Variants in LITAF observed in about 807,000 individuals in gnomAD.
LITAF encodes lipopolysaccharide-induced tumor necrosis factor-alpha factor.
Under a neutral mutation model 14.5 loss-of-function variants are expected in LITAF, and 9 were observed. That is an observed-to-expected ratio of 0.62 (90% CI 0.37 to 1.08). LITAF has a LOEUF of 1.08. Ranked by LOEUF, LITAF falls within the 50% of genes least tolerant of loss-of-function variation. The pLI, the probability that LITAF is intolerant of heterozygous loss-of-function variation, is 0.01. For missense variants in LITAF, 206 were observed against 213.4 expected (o/e 0.97, Z 0.22); for synonymous variants, 98 against 88.2 (o/e 1.11, Z -0.62).
intron 1 of LITAF, among the ~76,000 whole-genome samples, chr16:11,596,304 G>C (rs1446615020): frequency 1.3e-5 from 2 of 151,800 alleles, no homozygotes; most frequent in African/African-American, 4.8e-5. Context: ...GGAAGAGCGT[G>C]TTCTCAGGAT....
upstream of LITAF, among the ~76,000 whole-genome samples, chr16:11,600,523 T>C (rs2064920395): frequency 5.9e-5 from 9 of 152,206 alleles, no homozygotes; most frequent in Admixed American, 5.9e-4. The surrounding 1 kb of genome is among the most constrained non-coding windows in gnomAD (Gnocchi z 4.1). Context: ...AGAAGTTAAA[T>C]TCTCGGACTG....
At chr16:11,551,066 A>C (rs1257481541) in intron 3 of LITAF, among the ~76,000 whole-genome samples, 1 of 152,192 alleles carries the variant, frequency 6.6e-6, no homozygotes, top group African/African-American at 2.4e-5. Context: ...TTTGGCACAC[A>C]CAGGCAGGAA....
At chr16:11,620,417 C>T (rs1430237540) in intron 3 of LITAF, among the ~76,000 whole-genome samples, 1 of 152,118 alleles carries the variant, frequency 6.6e-6, no homozygotes. Context: ...GTTCCCCCTT[C>T]GCCTTCCACC....
rs565356536 is a variant in LITAF, at chr16:11,549,452, A to T, written c.*185T>A. 3 of 656,414 alleles carry T rather than the reference A, an allele frequency of 4.6e-6. No homozygotes were observed. Among genetic ancestry groups the T allele is most frequent in the Non-Finnish European group, 8.4e-6 (3 of 355,488 alleles). 40.7% of individuals were successfully genotyped at this position (656,414 alleles called of 1,614,324 possible). ...TTTGCAAGTCCTATGCACGACTCCA[A>T]GCAGCAATTTCTGGGGTTTGGAGAT... is the stretch of plus-strand genomic sequence containing the variant. On this transcript the variant is annotated 3_prime_UTR_variant, in exon 4 of 4. Coordinates refer to ENST00000622633, the MANE Select transcript of LITAF (RefSeq NM_001136472.2). The surrounding 1 kb of genome is among the most constrained non-coding windows in gnomAD (Gnocchi z 4.6).
At chr16:11,628,321 T>C (rs530800475) in intron 3 of LITAF, among the ~76,000 whole-genome samples, 98 of 152,208 alleles carry the variant, frequency 6.4e-4, no homozygotes, top group African/African-American at 2.3e-3. Flanking sequence ...TCCTTTCTCT[T>C]CCAGCTAAGA....
chr16:11,554,520 C>T (rs1280152206), intron 2 of LITAF, among the ~76,000 whole-genome samples: 1 of 152,136 alleles, frequency 6.6e-6, no homozygotes, highest in Non-Finnish European at 1.5e-5. Flanking sequence ...CGGTGGCTCA[C>T]ACCTGTAATC....
At chr16:11,593,354 C>CA (rs57678584) in intron 1 of LITAF, among the ~76,000 whole-genome samples, 1,635 of 54,342 alleles carry the variant, frequency 0.03, 33 homozygotes, top group African/African-American at 0.054. Flanking sequence ...AACTCTGTCT[C>CA]AAAAAAAAAA....
rs891237004 is a variant in LITAF at position 11,632,007 on chromosome 16, C to A, written c.85+1526G>T. 2.0e-5 allele frequency among the ~76,000 whole-genome samples: 3 copies of A among 152,082 alleles called. No individual in the cohort carries two copies. The highest frequency in any genetic ancestry group is 2.9e-5 in the Non-Finnish European group (2 of 68,014). The stretch of plus-strand genomic sequence containing the variant: ...TCAGCCTCCTGAGTAGCTGGGATTA[C>A]AGGTGTGCGCCACCACGCCCGGCTA... On this transcript the variant is annotated intron_variant, in intron 3 of 3. Transcript: ENST00000574848. This position sits in a 1 kb window ranked among gnomAD's most constrained non-coding sequence, Gnocchi z 4.8.
chr16:11,599,692 C>T (rs2064915681), upstream of LITAF, among the ~76,000 whole-genome samples: 4 of 152,142 alleles, frequency 2.6e-5, no homozygotes, highest in South Asian at 8.3e-4. Context: ...CCTGTGTTAC[C>T]CTAAGCCTCG....
chr16:11,631,483 C>T (rs190195201), intron 3 of LITAF, among the ~76,000 whole-genome samples: 24 of 152,318 alleles, frequency 1.6e-4, no homozygotes, highest in Admixed American at 1.5e-3. Context: ...ACAGCCACAA[C>T]CTCCCGAGCT....
chr16:11,613,875 G>A lies in LITAF; in HGVS notation c.85+19658C>T, dbSNP rs79676900. On this transcript the variant is annotated intron_variant, in intron 3 of 3. Coordinates refer to the LITAF transcript ENST00000574848. ...CACATGTTGTCAGATGACCGGGCGGGCCACTTCTCTCGCTGAATGTTTATT... is the reference window on the plus strand; with the variant it reads ...CACATGTTGTCAGATGACCGGGCGGACCACTTCTCTCGCTGAATGTTTATT... 3.5e-3 allele frequency among the ~76,000 whole-genome samples: 540 copies of A among 152,358 alleles called. 2 individuals carry two copies. Among genetic ancestry groups the A allele is most frequent in the African/African-American group, 0.012 (518 of 41,582 alleles).
At chr16:11,552,517 T>G (rs1202438989) in intron 3 of LITAF, among the ~76,000 whole-genome samples, 1 of 152,192 alleles carries the variant, frequency 6.6e-6, no homozygotes, top group Non-Finnish European at 1.5e-5. Flanking sequence ...AAAACATTAT[T>G]ATTTAGGTCA....
chr16:11,548,177 T>C lies in LITAF; in HGVS notation c.*1460A>G. 2.2e-6 allele frequency: 1 copy of C among 454,078 alleles called. No individual in the cohort carries two copies. The highest frequency in any genetic ancestry group is 1.6e-5 in the South Asian group (1 of 64,482). The allele number at this position is 454,078 out of a possible 1,614,324, so 28.1% of individuals were successfully genotyped here. The stretch of plus-strand genomic sequence containing the variant: ...TACAGATGTTCGCTCAAGGTCTAGG[T>C]TTTATTTCTACATAGTAGTATTCAC... On this transcript the variant is annotated 3_prime_UTR_variant, in exon 4 of 4. Coordinates refer to ENST00000622633, the MANE Select transcript of LITAF (RefSeq NM_001136472.2).
At chr16:11,560,521 T>G (rs1368111531) in intron 1 of LITAF, among the ~76,000 whole-genome samples, 1 of 150,920 alleles carries the variant, frequency 6.6e-6, no homozygotes, top group Non-Finnish European at 1.5e-5. Context: ...AGGCAGAGGT[T>G]GCAGCGAGCT....
chr16:11,626,020 A>G (rs2065081590), intron 3 of LITAF, among the ~76,000 whole-genome samples: 1 of 152,190 alleles, frequency 6.6e-6, no homozygotes, highest in Admixed American at 6.5e-5. Flanking sequence ...CTGGGAGTCA[A>G]TTCCAGATCC....
chr16:11,593,248 C>T (rs1161889057), intron 1 of LITAF, among the ~76,000 whole-genome samples: 5 of 150,344 alleles, frequency 3.3e-5, no homozygotes, highest in Admixed American at 6.7e-5. Context: ...CCCAACTACT[C>T]GGGAGGCTGA....
intron 3 of LITAF, among the ~76,000 whole-genome samples, chr16:11,618,431 C>T (rs1365326696): frequency 6.6e-6 from 1 of 152,222 alleles, no homozygotes; most frequent in East Asian, 1.9e-4. Flanking sequence ...TCCTGTGGGA[C>T]TGAGTCCTTT....
At chr16:11,595,319 T>C (rs1423852335) in intron 1 of LITAF, among the ~76,000 whole-genome samples, 2 of 152,230 alleles carry the variant, frequency 1.3e-5, no homozygotes. Flanking sequence ...CTCAGTGGCC[T>C]GGCCCTGACC....
At position 11,610,284 on chromosome 16, in the gene LITAF, G is replaced by A. The variant is rs1187026830; in HGVS notation, c.85+23249C>T. The stretch of plus-strand genomic sequence containing the variant: ...GAAAGAAATGTCTGTCTTCTTTCAG[G>A]ACCTGCCCCCGCAGGCTCCAGGCCA... On this transcript the variant is annotated intron_variant, in intron 3 of 3. Coordinates refer to the LITAF transcript ENST00000574848. Among the ~76,000 whole-genome samples, 3 of 152,350 alleles carry A rather than the reference G, an allele frequency of 2.0e-5. No individual in the cohort carries two copies. In the East Asian group the frequency reaches 5.8e-4, roughly 29 times the overall value.
Sources: allele counts gnomAD v4.1 joint callset (sites outside exome capture counted in the v4.1 genomes callset), GRCh38; gene constraint gnomAD v4.1.1; non-coding constraint Gnocchi (gnomAD v3.1); transcripts MANE v1.5; gene names NCBI Gene and HGNC (gene_info 2026-07-23, HGNC 2026-07-21).